CADPS2: variants seen among roughly 807,000 people sequenced by gnomAD.
CADPS2 encodes the protein calcium dependent secretion activator 2.
CADPS2 carries 93 observed loss-of-function variants against 172.5 expected under a neutral mutation model. The ratio of observed to expected loss-of-function variants is 0.54; its 90% CI spans 0.46 to 0.64. The LOEUF is 0.64. Among genes scored for constraint, CADPS2 ranks in the 30% least tolerant of loss-of-function variants. The pLI is 0.00. For synonymous variants in CADPS2, 546 were observed against 555.2 expected (o/e 0.98, Z 0.23); for missense variants, 1,420 against 1,565.9 (o/e 0.91, Z 1.57).
chr7:122,746,109 C>G (rs113968350), intron 1 of CADPS2, among the ~76,000 whole-genome samples: 1 of 152,068 alleles, frequency 6.6e-6, no homozygotes, highest in Non-Finnish European at 1.5e-5. Flanking sequence ...ATACTTAACA[C>G]ATATTAAATG....
Position 122,874,322 on chromosome 7 carries a change from AC to A in CADPS2, c.339+11676del, listed in dbSNP as rs61533752. ...AATAAAACATCTAGGAATACAACTT[AC>A]AAGGGATGTGAAGGACCTCTTCAAG... On this transcript the variant is annotated intron_variant, in intron 1 of 29. Coordinates refer to ENST00000449022, the MANE Select transcript of CADPS2 (RefSeq NM_017954.11). Among the ~76,000 whole-genome samples the A allele has an allele frequency of 5.8e-3, 888 of 152,320 alleles. 9 individuals carry two copies. The highest frequency in any genetic ancestry group is 0.02 in the African/African-American group (839 of 41,570).
In CADPS2 at chr7:122,615,221, C is replaced by A; in HGVS notation, c.1183G>T (p.Glu395Ter). 1.3e-6 allele frequency: 2 copies of A among 1,558,706 alleles called. No individual in the cohort carries two copies. Among genetic ancestry groups the A allele is most frequent in the East Asian group, 2.4e-5 (1 of 42,206 alleles). Residue 395 changes from glutamate to a stop codon, truncating the protein, a stop_gained, in exon 6 of 30, where the codon GAA becomes TAA. Transcript: ENST00000449022. LOFTEE classifies it high-confidence loss of function. Reference protein sequence around the residue: ...IVYCTMEVEGEKLQTDQAEAS... With the variant: ...IVYCTMEVEG The stretch of plus-strand genomic sequence containing the variant: ...TCGGCCTGGTCTGTCTGAAGTTTTT[C>A]TCCTTCCACTTCCATTGTACAGTAA...
At chr7:122,398,564 AC>A (rs1441081249) in intron 20 of CADPS2, among the ~76,000 whole-genome samples, 5 of 152,198 alleles carry the variant, frequency 3.3e-5, no homozygotes, top group Non-Finnish European at 7.3e-5. Flanking sequence ...AATTATATCA[AC>A]CCTGAGCAAT....
intron 24 of CADPS2, among the ~76,000 whole-genome samples, chr7:122,381,849 T>C (rs926773338): frequency 6.6e-6 from 1 of 152,140 alleles, no homozygotes; most frequent in African/African-American, 2.4e-5. Flanking sequence ...ACATCTGAAA[T>C]TTAATACCCA....
chr7:122,427,743 T>G (rs985070375), intron 17 of CADPS2, among the ~76,000 whole-genome samples: 1 of 152,162 alleles, frequency 6.6e-6, no homozygotes, highest in African/African-American at 2.4e-5. Context: ...TTTTTTTTTC[T>G]AAGTTGACTT....
chr7:122,882,271 T>C (rs904363600), intron 1 of CADPS2, among the ~76,000 whole-genome samples: 2 of 152,156 alleles, frequency 1.3e-5, no homozygotes, highest in African/African-American at 4.8e-5. Context: ...TTATACAAAA[T>C]GGTTTAATAA....
At chr7:122,430,895 C>T (rs1027663127) in intron 17 of CADPS2, among the ~76,000 whole-genome samples, 32 of 152,164 alleles carry the variant, frequency 2.1e-4, no homozygotes, top group Non-Finnish European at 2.8e-4. Flanking sequence ...TGGAAGAGAA[C>T]TATGATGATG....
intron 2 of CADPS2, among the ~76,000 whole-genome samples, chr7:122,664,336 C>T (rs2080949801): frequency 1.3e-5 from 2 of 152,138 alleles, no homozygotes; most frequent in Admixed American, 1.3e-4. Flanking sequence ...ACTTCTCACA[C>T]ACTTATCATA....
At chr7:122,676,403 A>G (rs1172565952) in intron 2 of CADPS2, among the ~76,000 whole-genome samples, 1 of 152,228 alleles carries the variant, frequency 6.6e-6, no homozygotes, top group Non-Finnish European at 1.5e-5. Context: ...AGAAAACAAG[A>G]GCCAAATGTT....
At chr7:122,701,708 A>C in intron 2 of CADPS2, 1 of 532,972 alleles carries the variant, frequency 1.9e-6, no homozygotes. Flanking sequence ...CACAAATTTC[A>C]CCCTTGTTCA....
intron 1 of CADPS2, among the ~76,000 whole-genome samples, chr7:122,810,280 T>C (rs1432764225): frequency 6.6e-6 from 1 of 152,178 alleles, no homozygotes; most frequent in Non-Finnish European, 1.5e-5. Flanking sequence ...ATAAGGAAGC[T>C]TGTGGCTCCT....
intron 3 of CADPS2, among the ~76,000 whole-genome samples, chr7:122,638,091 C>G (rs2077248471): frequency 6.6e-6 from 1 of 152,130 alleles, no homozygotes; most frequent in Non-Finnish European, 1.5e-5. Flanking sequence ...ACAACCTCAC[C>G]AGGTTTGCTC....
intron 17 of CADPS2, among the ~76,000 whole-genome samples, chr7:122,435,201 C>T (rs560514942): frequency 1.3e-5 from 2 of 152,120 alleles, no homozygotes; most frequent in South Asian, 2.1e-4. Context: ...ATGGAAACAA[C>T]AAAATTAAAA....
At chr7:122,856,762 A>G (rs1403662514) in intron 1 of CADPS2, among the ~76,000 whole-genome samples, 1 of 152,268 alleles carries the variant, frequency 6.6e-6, no homozygotes, top group African/African-American at 2.4e-5. Context: ...TATAAAACAT[A>G]GTAAGCACTG....
At chr7:122,381,855 A>T (rs2043048844) in intron 24 of CADPS2, among the ~76,000 whole-genome samples, 1 of 152,302 alleles carries the variant, frequency 6.6e-6, no homozygotes, top group Admixed American at 6.5e-5. Flanking sequence ...GAAATTTAAT[A>T]CCCAAGGGGT....
intron 24 of CADPS2, chr7:122,386,258 A>C (rs1437226620): frequency 7.5e-7 from 1 of 1,339,616 alleles, no homozygotes; most frequent in East Asian, 2.7e-5. Context: ...TAATAACTCA[A>C]ATGAAATGTG....
chr7:122,722,155 C>T (rs2090492643), intron 2 of CADPS2, among the ~76,000 whole-genome samples: 1 of 152,102 alleles, frequency 6.6e-6, no homozygotes, highest in Non-Finnish European at 1.5e-5. Context: ...CCTCTCTCAC[C>T]ACTCCTATTC....
At position 122,736,751 on chromosome 7, in the gene CADPS2, C is replaced by T. The variant is rs562030516; in HGVS notation, c.453+204G>A. The stretch of plus-strand genomic sequence containing the variant: ...TCTCCTCAAAAGATGTGACTAATTT[C>T]GATTCTGTTTATCTCTCAAAACCAG... On this transcript the variant is annotated intron_variant, in intron 2 of 29. Transcript: ENST00000449022. Among the ~76,000 whole-genome samples the T allele has an allele frequency of 8.9e-4, 135 of 152,234 alleles. 1 individual carries two copies. The highest frequency in any genetic ancestry group is 3.1e-3 in the South Asian group (15 of 4,824).
intron 1 of CADPS2, among the ~76,000 whole-genome samples, chr7:122,840,810 CAG>C (rs981642181): frequency 6.6e-6 from 1 of 152,012 alleles, no homozygotes; most frequent in African/African-American, 2.4e-5. Context: ...TGATATGAAA[CAG>C]AGTAATACTA....
Sources: gnomAD v4.1 joint callset for allele counts (sites outside exome capture counted in the v4.1 genomes callset) on GRCh38, gnomAD v4.1.1 for gene constraint, MANE v1.5 for transcripts, NCBI Gene and HGNC (gene_info 2026-07-23, HGNC 2026-07-21) for gene names.